The following RGPD2 variants were observed in gnomAD, a reference collection of about 807,000 sequenced individuals.
The protein encoded by RGPD2 is RANBP2 like and GRIP domain containing 2.
A neutral mutation model predicts 36.0 loss-of-function variants in RGPD2; 2 were observed. The ratio of observed to expected loss-of-function variants is 0.06; its 90% CI spans 0.02 to 0.17. RGPD2 has a LOEUF of 0.17. RGPD2 is among the 10% of genes least tolerant of loss of function. The probability of loss-of-function intolerance (pLI) is 1.00; values close to 1 mark genes in which losing one functional copy is unlikely to be tolerated. For synonymous variants in RGPD2, 19 were observed against 163.8 expected, an observed-to-expected ratio of 0.12 and a Z score of 6.75; for missense variants, 40 against 464.3, an observed-to-expected ratio of 0.09 and a Z score of 8.40.
the RGPD2 span, among the ~76,000 whole-genome samples, chr2:87,929,055 T>C: frequency 2.4e-4 from 37 of 152,038 alleles, no homozygotes; most frequent in Admixed American, 9.9e-4. Context: ...TAATTTTAAT[T>C]AGATTCCATT....
chr2:87,905,824 TTTA>T, the RGPD2 span, among the ~76,000 whole-genome samples: 1 of 99,132 alleles, frequency 1.0e-5, no homozygotes, highest in Non-Finnish European at 2.1e-5. Context: ...AATTCATTCA[TTTA>T]ATGATTTTTA....
the RGPD2 span, among the ~76,000 whole-genome samples, chr2:87,847,656 G>A: frequency 6.6e-6 from 1 of 151,536 alleles, no homozygotes; most frequent in African/African-American, 2.4e-5. Context: ...ATGCCATCAC[G>A]CCCAGCTAAT....
At chr2:87,769,973 A>C (rs1447343451) in intron 22 of RGPD2, among the ~76,000 whole-genome samples, 1 of 150,180 alleles carries the variant, frequency 6.7e-6, no homozygotes, top group African/African-American at 2.4e-5. Flanking sequence ...TGGCTATAGA[A>C]ACCTATCCTA....
chr2:87,879,487 T>C, the RGPD2 span, among the ~76,000 whole-genome samples: 3 of 133,666 alleles, frequency 2.2e-5, no homozygotes, highest in African/African-American at 8.7e-5. Flanking sequence ...TCCCAGCCTC[T>C]GGTAAATGTC....
chr2:87,989,150 A>T, the RGPD2 span: 1 of 556,476 alleles, frequency 1.8e-6, no homozygotes, highest in Non-Finnish European at 3.0e-6. Context: ...GATCCTAACC[A>T]TGGAGCCATT....
the RGPD2 span, among the ~76,000 whole-genome samples, chr2:87,883,032 A>T: frequency 1.3e-5 from 2 of 152,044 alleles, no homozygotes; most frequent in Admixed American, 6.6e-5. Flanking sequence ...AATCCGAAAG[A>T]CTCTAATTCT....
the RGPD2 span, among the ~76,000 whole-genome samples, chr2:87,866,893 C>A: frequency 6.6e-6 from 1 of 152,240 alleles, no homozygotes; most frequent in Non-Finnish European, 1.5e-5. Context: ...GCGAGAGGTC[C>A]GGCTTTGTCC....
At chr2:87,830,313 A>G (rs149293198), upstream of RGPD2, among the ~76,000 whole-genome samples, 4,641 of 147,524 alleles carry the variant, frequency 0.031, no homozygotes, top group Middle Eastern at 0.056. Flanking sequence ...AGGCATTTCC[A>G]TACATCCTCT....
chr2:87,877,724 G>A, the RGPD2 span, among the ~76,000 whole-genome samples: 23 of 135,770 alleles, frequency 1.7e-4, no homozygotes, highest in East Asian at 7.1e-4. Context: ...AGAATGGCAC[G>A]AACCCAGGAG....
At chr2:87,814,239 A>AT (rs1268870557) in intron 4 of RGPD2, among the ~76,000 whole-genome samples, 3 of 57,848 alleles carry the variant, frequency 5.2e-5, no homozygotes, top group Non-Finnish European at 1.1e-4. Flanking sequence ...AAATCTGGAC[A>AT]TGATTGTTCA....
the RGPD2 span, among the ~76,000 whole-genome samples, chr2:87,932,857 GC>G: frequency 1.3e-5 from 2 of 149,894 alleles, no homozygotes; most frequent in Admixed American, 6.7e-5. Flanking sequence ...AGATGACATG[GC>G]CTTTCTGTCT....
chr2:87,864,362 A>G, the RGPD2 span, among the ~76,000 whole-genome samples: 1 of 152,276 alleles, frequency 6.6e-6, no homozygotes, highest in African/African-American at 2.4e-5. Context: ...CGGGACTTAC[A>G]CAGTGGTTCC....
chr2:87,857,854 G>A, the RGPD2 span, among the ~76,000 whole-genome samples: 138 of 150,572 alleles, frequency 9.2e-4, no homozygotes, highest in African/African-American at 3.3e-3. Context: ...TTCACTTTAA[G>A]AAAGTTATTC....
At chr2:87,798,793 G>A (rs1685790886) in intron 8 of RGPD2, among the ~76,000 whole-genome samples, 2 of 118,554 alleles carry the variant, frequency 1.7e-5, no homozygotes, top group East Asian at 4.7e-4. Flanking sequence ...GCGTGAACCC[G>A]GGAGGCGGAG....
the RGPD2 span, among the ~76,000 whole-genome samples, chr2:87,858,217 G>A: frequency 6.6e-6 from 1 of 152,070 alleles, no homozygotes; most frequent in South Asian, 2.1e-4. Flanking sequence ...GGCAGAGGTT[G>A]CAGTGAGCCA....
chr2:87,843,878 A>T, the RGPD2 span, among the ~76,000 whole-genome samples: 1 of 151,912 alleles, frequency 6.6e-6, no homozygotes, highest in Admixed American at 6.6e-5. Context: ...AATACTATGC[A>T]GCCATAAAAA....
chr2:87,884,465 C>T, the RGPD2 span, among the ~76,000 whole-genome samples: 1 of 151,584 alleles, frequency 6.6e-6, no homozygotes, highest in Admixed American at 6.6e-5. Flanking sequence ...AAAATAAGTG[C>T]AATAAATACA....
the RGPD2 span, among the ~76,000 whole-genome samples, chr2:87,857,774 T>TAAAACAA: frequency 9.7e-5 from 12 of 123,428 alleles, no homozygotes; most frequent in African/African-American, 3.4e-4. Context: ...CCATCTCTAC[T>TAAAACAA]AAAAAAAAAA....
chr2:87,936,852 TTACCA>T, the RGPD2 span, among the ~76,000 whole-genome samples: 1 of 125,816 alleles, frequency 7.9e-6, no homozygotes, highest in East Asian at 2.2e-4. Context: ...TCATGTATCC[TTACCA>T]TACTTCTAAT....
Sources: allele counts gnomAD v4.1 joint callset (sites outside exome capture counted in the v4.1 genomes callset), GRCh38; gene constraint gnomAD v4.1.1; transcripts MANE v1.5; gene names NCBI Gene and HGNC (gene_info 2026-07-23, HGNC 2026-07-21).